Variants in PLS1 observed in about 807,000 individuals in gnomAD.
The protein encoded by PLS1 is plastin-1.
PLS1 carries 32 observed loss-of-function variants against 73.7 expected under a neutral mutation model. The ratio of observed to expected loss-of-function variants is 0.43; its 90% CI spans 0.33 to 0.58. The LOEUF (loss-of-function observed/expected upper bound fraction) is 0.58, where lower values mean the gene tolerates loss of function less well. Among genes scored for constraint, PLS1 ranks in the 20% least tolerant of loss-of-function variants. The pLI, the probability that PLS1 is intolerant of heterozygous loss-of-function variation, is 0.04. For missense variants in PLS1, 633 were observed against 740.5 expected, an observed-to-expected ratio of 0.85 and a Z score of 1.68; for synonymous variants, 217 against 261.3, an observed-to-expected ratio of 0.83 and a Z score of 1.63.
intron 1 of PLS1, among the ~76,000 whole-genome samples, chr3:142,605,436 C>T (rs1395822024): frequency 1.3e-5 from 2 of 152,178 alleles, no homozygotes; most frequent in Non-Finnish European, 2.9e-5. Flanking sequence ...GGGGCACAAT[C>T]TTGGCTCACT....
At chr3:142,647,547 G>T (rs2108628573) in intron 1 of PLS1, among the ~76,000 whole-genome samples, 1 of 141,758 alleles carries the variant, frequency 7.1e-6, no homozygotes, top group African/African-American at 2.6e-5. Flanking sequence ...CTGTTGCCCT[G>T]GCTGGAGTGC....
intron 1 of PLS1, chr3:142,645,467 C>T (rs2036934579): frequency 6.6e-6 from 1 of 152,202 alleles, no homozygotes; most frequent in East Asian, 1.9e-4. Flanking sequence ...GGGTAGGACT[C>T]CTCTGCTCAC....
intron 1 of PLS1, among the ~76,000 whole-genome samples, chr3:142,618,971 C>T (rs537274377): frequency 1.3e-5 from 2 of 152,262 alleles, no homozygotes; most frequent in South Asian, 4.2e-4. Flanking sequence ...GGGTATTATC[C>T]TGCCTGCCAC....
At chr3:142,655,612 C>T (rs1187832917) in intron 1 of PLS1, among the ~76,000 whole-genome samples, 1 of 151,430 alleles carries the variant, frequency 6.6e-6, no homozygotes, top group African/African-American at 2.4e-5. Flanking sequence ...ATCCCAGCTA[C>T]CAGGGAGGCT....
intron 1 of PLS1, among the ~76,000 whole-genome samples, chr3:142,654,474 T>C (rs1314924608): frequency 6.6e-6 from 1 of 152,166 alleles, no homozygotes; most frequent in Non-Finnish European, 1.5e-5. Flanking sequence ...GCCTCCCAAG[T>C]AGTAGGACTA....
chr3:142,689,861 G>T, intron 10 of PLS1, 48 bp downstream of exon 10: 1 of 1,215,580 alleles, frequency 8.2e-7, no homozygotes, highest in South Asian at 1.5e-5. Context: ...ATCTTCTTAT[G>T]GTATTGTCTT....
Position 142,623,013 on chromosome 3 carries a change from C to T in PLS1, c.-37+26504C>T, listed in dbSNP as rs556441829. ...CCCAGACTGGAGTGCAGTGGCTATT[C>T]ACAGGAGTTATCATAGCACGCTACA... On this transcript the variant is annotated intron_variant, in intron 1 of 15. Coordinates refer to ENST00000457734, the MANE Select transcript of PLS1 (RefSeq NM_001145319.2). Among the ~76,000 whole-genome samples, 4 of 152,118 alleles carry T rather than the reference C, an allele frequency of 2.6e-5. No individual in the cohort carries two copies. The East Asian group carries it at 7.7e-4, about 29-fold the overall frequency.
chr3:142,685,590 A>G (rs1047788593), intron 8 of PLS1, among the ~76,000 whole-genome samples: 5 of 152,162 alleles, frequency 3.3e-5, no homozygotes, highest in South Asian at 4.1e-4. Flanking sequence ...GCCTCTCTAC[A>G]TGGTGAGCTC....
chr3:142,656,310 A>G (rs1169358382), intron 1 of PLS1, among the ~76,000 whole-genome samples: 1 of 152,232 alleles, frequency 6.6e-6, no homozygotes, highest in Admixed American at 6.5e-5. Flanking sequence ...TGAATGAATG[A>G]AAAAGTTGAG....
intron 10 of PLS1, among the ~76,000 whole-genome samples, chr3:142,691,352 A>G (rs924018650): frequency 1.3e-5 from 2 of 152,130 alleles, no homozygotes; most frequent in African/African-American, 4.8e-5. Context: ...GTGAGAGATT[A>G]GAACTTGAAA....
At chr3:142,665,903 G>T (rs2107831812) in intron 2 of PLS1, among the ~76,000 whole-genome samples, 1 of 152,148 alleles carries the variant, frequency 6.6e-6, no homozygotes, top group East Asian at 1.9e-4. Flanking sequence ...CCAGAAGCAG[G>T]TCCTTGATGG....
chr3:142,662,772 A>G (rs911884642), intron 1 of PLS1, among the ~76,000 whole-genome samples: 4 of 152,246 alleles, frequency 2.6e-5, no homozygotes, highest in African/African-American at 9.6e-5. Context: ...AAGTTATGAT[A>G]TAGTAATATG....
Position 142,635,715 on chromosome 3 carries a change from C to G in PLS1, c.-36-28487C>G, listed in dbSNP as rs77789867. 8.4e-3 allele frequency among the ~76,000 whole-genome samples: 1,278 copies of G among 152,242 alleles called. 21 individuals are homozygous for G. Among genetic ancestry groups the G allele is most frequent in the African/African-American group, 0.028 (1,179 of 41,548 alleles). ...GGTTTACTGGAATTCCAGGCTAAAT[C>G]ACAGAAGGCTATTTTAGTAGAAATG... On this transcript the variant is annotated intron_variant, in intron 1 of 15. Transcript: ENST00000457734.
At chr3:142,600,918 T>A (rs9822790) in intron 1 of PLS1, among the ~76,000 whole-genome samples, 229 of 17,764 alleles carry the variant, frequency 0.013, no homozygotes, top group South Asian at 0.02. Flanking sequence ...ATATATATAT[T>A]TTTTTTTTTT....
intron 1 of PLS1, among the ~76,000 whole-genome samples, chr3:142,663,192 G>T (rs1469732079): frequency 1.3e-5 from 2 of 152,090 alleles, no homozygotes; most frequent in African/African-American, 4.8e-5. Flanking sequence ...TCCAGCCTGG[G>T]TGAAGAAGTG....
rs1209588054 is a variant in PLS1, at chr3:142,712,349, G to T, written c.*342G>T. 5.8e-6 allele frequency: 1 copy of T among 172,356 alleles called. No individual in the cohort carries two copies. The highest frequency in any genetic ancestry group is 1.2e-5 in the Non-Finnish European group (1 of 80,798). The allele number at this position is 172,356 out of a possible 1,614,324, so 10.7% of individuals were successfully genotyped here. A position where few individuals can be genotyped will look rare whatever the true frequency, so the allele number is the denominator to read the frequency against. ...GAATACAAACGTTTTTGCAGGTTCT[G>T]CTGTGAAATGTGGTTTGATTTTTTT... On this transcript the variant is annotated 3_prime_UTR_variant, in exon 16 of 16. Coordinates refer to ENST00000457734, the MANE Select transcript of PLS1 (RefSeq NM_001145319.2).
chr3:142,644,506 G>T (rs2036912097), intron 1 of PLS1, among the ~76,000 whole-genome samples: 1 of 152,092 alleles, frequency 6.6e-6, no homozygotes, highest in South Asian at 2.1e-4. Context: ...TCCTGCCTTG[G>T]CCTCCCAAAG....
chr3:142,612,730 A>G (rs1224234340), intron 1 of PLS1, among the ~76,000 whole-genome samples: 1 of 92,814 alleles, frequency 1.1e-5, no homozygotes, highest in African/African-American at 6.7e-5. Context: ...TCAAAAAAAG[A>G]AAAAAAAAAT....
At chr3:142,635,796 C>G (rs548044121) in intron 1 of PLS1, among the ~76,000 whole-genome samples, 9 of 152,120 alleles carry the variant, frequency 5.9e-5, no homozygotes, top group Admixed American at 1.3e-4. Flanking sequence ...ATGGCCCAAA[C>G]TATTTTGGAC....
Sources: gnomAD v4.1 joint callset for allele counts (sites outside exome capture counted in the v4.1 genomes callset) on GRCh38, gnomAD v4.1.1 for gene constraint, MANE v1.5 for transcripts, NCBI Gene and HGNC (gene_info 2026-07-23, HGNC 2026-07-21) for gene names.